The following PTPRT variants were observed in gnomAD, a reference collection of about 807,000 sequenced individuals.
PTPRT encodes the protein receptor-type tyrosine-protein phosphatase T.
A neutral mutation model predicts 176.8 loss-of-function variants in PTPRT; 56 were observed. That is an observed-to-expected ratio of 0.32 (90% confidence interval 0.26 to 0.40). PTPRT has a LOEUF of 0.40. Among genes scored for constraint, PTPRT ranks in the 10% least tolerant of loss-of-function variants. PTPRT has a pLI of 1.00. For missense variants in PTPRT, 1,540 were observed against 1,908.2 expected (o/e 0.81, Z 3.60); for synonymous variants, 783 against 739.0 (o/e 1.06, Z -0.96).
At chr20:42,505,935 A>G (rs2071836154) in intron 7 of PTPRT, among the ~76,000 whole-genome samples, 1 of 152,150 alleles carries the variant, frequency 6.6e-6, no homozygotes, top group Non-Finnish European at 1.5e-5. Flanking sequence ...CAGCTCCACG[A>G]AAGGTTGAGC....
At chr20:42,966,605 G>A (rs537055742) in intron 1 of PTPRT, among the ~76,000 whole-genome samples, 4 of 152,298 alleles carry the variant, frequency 2.6e-5, no homozygotes, top group South Asian at 4.1e-4. Context: ...TGAACAAGAC[G>A]GTGGGTTTTA....
chr20:42,382,755 T>C (rs1217435575), intron 9 of PTPRT, among the ~76,000 whole-genome samples: 1 of 152,112 alleles, frequency 6.6e-6, no homozygotes, highest in South Asian at 2.1e-4. Context: ...GAGAACCCTA[T>C]AGGACGGTAA....
intron 7 of PTPRT, among the ~76,000 whole-genome samples, chr20:42,499,977 A>G (rs763225683): frequency 6.6e-6 from 1 of 152,162 alleles, no homozygotes; most frequent in Non-Finnish European, 1.5e-5. Flanking sequence ...CAGTTCATTC[A>G]TTATTCTTTT....
intron 1 of PTPRT, among the ~76,000 whole-genome samples, chr20:43,114,242 T>G (rs2012969189): frequency 6.6e-6 from 1 of 152,218 alleles, no homozygotes; most frequent in Non-Finnish European, 1.5e-5. Flanking sequence ...GGAGACTGTT[T>G]CCTATGCCAC....
At chr20:42,553,642 C>T (rs2072808692) in intron 7 of PTPRT, among the ~76,000 whole-genome samples, 1 of 152,140 alleles carries the variant, frequency 6.6e-6, no homozygotes, top group Non-Finnish European at 1.5e-5. Context: ...CACACTTTCA[C>T]TTTCTCTCCC....
intron 9 of PTPRT, among the ~76,000 whole-genome samples, chr20:42,423,178 TAAA>T (rs34775268): frequency 1.8e-4 from 16 of 88,112 alleles, no homozygotes; most frequent in South Asian, 1.5e-3. Flanking sequence ...ACCTTAAAAG[TAAA>T]AAAAAAAAAA....
chr20:42,880,706 G>C (rs550625925), intron 2 of PTPRT, among the ~76,000 whole-genome samples: 2 of 152,190 alleles, frequency 1.3e-5, no homozygotes, highest in African/African-American at 4.8e-5. Flanking sequence ...TAGAGAGAGG[G>C]TTTGTGAGTG....
chr20:42,655,012 CAA>C (rs1165128311), intron 7 of PTPRT, among the ~76,000 whole-genome samples: 10 of 152,102 alleles, frequency 6.6e-5, no homozygotes, highest in Non-Finnish European at 1.5e-4. Flanking sequence ...TCAATGGATC[CAA>C]TCATATCATG....
chr20:42,775,945 C>T (rs938158489), intron 4 of PTPRT, among the ~76,000 whole-genome samples: 3 of 152,126 alleles, frequency 2.0e-5, no homozygotes, highest in African/African-American at 7.2e-5. Context: ...AGACTGGAGG[C>T]TGGGGAAAAG....
intron 17 of PTPRT, among the ~76,000 whole-genome samples, chr20:42,156,944 T>G (rs1478680821): frequency 6.6e-6 from 1 of 152,232 alleles, no homozygotes; most frequent in Non-Finnish European, 1.5e-5. Context: ...ACTTGTCTTC[T>G]CAAAGCTCTG....
At chr20:42,881,269 G>C (rs989090148) in intron 2 of PTPRT, among the ~76,000 whole-genome samples, 1 of 152,214 alleles carries the variant, frequency 6.6e-6, no homozygotes, top group Admixed American at 6.5e-5. Flanking sequence ...TCACTCAGCT[G>C]TTGTGTAAGA....
rs549120815 is a variant in PTPRT at position 42,604,773 on chromosome 20, G to A, written c.1153+73093C>T. ...GTTCTATATCTCTCTTCTATACCCC[G>A]AAGACATTGAGTTCCATAATTGTAC... On this transcript the variant is annotated intron_variant, in intron 7 of 30. Coordinates refer to ENST00000373187, the MANE Select transcript of PTPRT (RefSeq NM_007050.6). Among the ~76,000 whole-genome samples, 8 of 152,248 alleles carry A rather than the reference G, an allele frequency of 5.3e-5. No individual in the cohort carries two copies. The South Asian group carries it at 1.2e-3, about 24-fold the overall frequency.
At chr20:42,660,791 A>G (rs114594989) in intron 7 of PTPRT, among the ~76,000 whole-genome samples, 1,908 of 152,308 alleles carry the variant, frequency 0.013, 37 homozygotes, top group Middle Eastern at 0.051. Context: ...ATACACACAC[A>G]GATAAGTAGA....
chr20:43,168,180 A>AGGTTG (rs1226639271), intron 1 of PTPRT, among the ~76,000 whole-genome samples: 1 of 152,228 alleles, frequency 6.6e-6, no homozygotes, highest in Admixed American at 6.5e-5. Context: ...AACAGATTAG[A>AGGTTG]GGTTGATTTC....
At chr20:42,543,177 C>A (rs1229913422) in intron 7 of PTPRT, among the ~76,000 whole-genome samples, 1 of 152,200 alleles carries the variant, frequency 6.6e-6, no homozygotes, top group Non-Finnish European at 1.5e-5. Context: ...GAAGATTACT[C>A]TGCAGCATGA....
At chr20:43,187,321 A>T (rs2015418506) in intron 1 of PTPRT, among the ~76,000 whole-genome samples, 1 of 152,192 alleles carries the variant, frequency 6.6e-6, no homozygotes, top group African/African-American at 2.4e-5. Context: ...TAAATAAAAT[A>T]CTTTAAAGGA....
At chr20:42,459,598 A>C (rs1335212006) in intron 8 of PTPRT, among the ~76,000 whole-genome samples, 1 of 152,192 alleles carries the variant, frequency 6.6e-6, no homozygotes, top group Non-Finnish European at 1.5e-5. Flanking sequence ...GAACCAAGAG[A>C]ATATGTTATT....
intron 9 of PTPRT, among the ~76,000 whole-genome samples, chr20:42,443,506 C>G (rs2059337236): frequency 6.6e-6 from 1 of 152,180 alleles, no homozygotes; most frequent in Non-Finnish European, 1.5e-5. Context: ...GTGCAAATCC[C>G]CAAAGATCTG....
intron 27 of PTPRT, among the ~76,000 whole-genome samples, chr20:42,089,532 A>G (rs1418568213): frequency 6.6e-6 from 1 of 152,160 alleles, no homozygotes; most frequent in Non-Finnish European, 1.5e-5. Context: ...AGATTCTACT[A>G]CGCCTCAAAC....
Sources: gnomAD v4.1 joint callset for allele counts (sites outside exome capture counted in the v4.1 genomes callset) on GRCh38, gnomAD v4.1.1 for gene constraint, MANE v1.5 for transcripts, NCBI Gene and HGNC (gene_info 2026-07-23, HGNC 2026-07-21) for gene names.